The following PHACTR4 variants were observed in gnomAD, a reference collection of about 807,000 sequenced individuals.
PHACTR4 encodes phosphatase and actin regulator 4, also known as protein phosphatase 1, regulatory subunit 124.
A neutral mutation model predicts 72.7 loss-of-function variants in PHACTR4; 51 were observed. The ratio of observed to expected loss-of-function variants is 0.70; its 90% CI spans 0.56 to 0.89. The LOEUF is 0.89. PHACTR4 is among the 40% of genes least tolerant of loss of function. The pLI is 0.00. For missense variants in PHACTR4, 731 were observed against 861.8 expected (o/e 0.85, Z 1.90); for synonymous variants, 255 against 302.5 (o/e 0.84, Z 1.63).
intron 6 of PHACTR4, among the ~76,000 whole-genome samples, chr1:28,471,699 T>C (rs74064859): frequency 0.1 from 15,798 of 152,026 alleles, 1,900 homozygotes; most frequent in African/African-American, 0.3. Flanking sequence ...TTGGTGAAAC[T>C]ATAGGAATAT....
At chr1:28,459,001 C>T (rs1658607194) in intron 2 of PHACTR4, 84 bp from the exon 3 acceptor site, 2 of 1,274,414 alleles carry the variant, frequency 1.6e-6, no homozygotes, top group South Asian at 1.6e-5. Flanking sequence ...CCAACTACCA[C>T]AGGAAGAGAG....
intron 2 of PHACTR4, among the ~76,000 whole-genome samples, chr1:28,441,587 A>G (rs1462145034): frequency 2.0e-5 from 3 of 152,230 alleles, no homozygotes; most frequent in South Asian, 4.1e-4. Context: ...TTGAATGTAC[A>G]TTAGGAATCT....
At chr1:28,458,216 A>C (rs1415027671) in intron 2 of PHACTR4, among the ~76,000 whole-genome samples, 1 of 150,614 alleles carries the variant, frequency 6.6e-6, no homozygotes, top group African/African-American at 2.4e-5. Context: ...ATCACAGCCA[A>C]CTGCAGCATT....
intron 6 of PHACTR4, chr1:28,467,284 A>G (rs1220066539): frequency 2.0e-5 from 3 of 152,982 alleles, no homozygotes; most frequent in Non-Finnish European, 4.4e-5. Context: ...AAACATCACT[A>G]AGATTAGATT....
chr1:28,448,292 G>A (rs545900652), intron 2 of PHACTR4, among the ~76,000 whole-genome samples: 108 of 152,046 alleles, frequency 7.1e-4, no homozygotes, highest in Non-Finnish European at 1.3e-3. Context: ...GAAGCGGATA[G>A]ATCACTGTTG....
chr1:28,454,270 C>CTTTTTTTT (rs945039969), intron 2 of PHACTR4, among the ~76,000 whole-genome samples: 39 of 95,082 alleles, frequency 4.1e-4, no homozygotes, highest in East Asian at 6.5e-4. Flanking sequence ...ATCACTTTGT[C>CTTTTTTTT]TTTTTTTTTT....
chr1:28,398,080 G>C (rs555585774), intron 1 of PHACTR4, among the ~76,000 whole-genome samples: 8 of 152,200 alleles, frequency 5.3e-5, no homozygotes, highest in Non-Finnish European at 8.8e-5. Flanking sequence ...TCACTGAACT[G>C]ACCTAGCCAC....
chr1:28,494,767 G>A (rs1184751763), intron 13 of PHACTR4, among the ~76,000 whole-genome samples: 3 of 152,316 alleles, frequency 2.0e-5, no homozygotes, highest in Non-Finnish European at 1.5e-5. Context: ...GCAGTGTGGT[G>A]AAAATAAACT....
chr1:28,401,352 G>A (rs1653932862), intron 1 of PHACTR4, among the ~76,000 whole-genome samples: 1 of 147,570 alleles, frequency 6.8e-6, no homozygotes, highest in African/African-American at 2.6e-5. Flanking sequence ...TGTCACCCAG[G>A]CTGGAGTGCA....
chr1:28,437,582 G>A (rs1656712034), intron 2 of PHACTR4, among the ~76,000 whole-genome samples: 1 of 152,180 alleles, frequency 6.6e-6, no homozygotes, highest in Non-Finnish European at 1.5e-5. Context: ...AGGTCAAGGT[G>A]CCAGGAGACT....
chr1:28,404,219 G>T (rs533428946), intron 1 of PHACTR4, among the ~76,000 whole-genome samples: 1 of 151,638 alleles, frequency 6.6e-6, no homozygotes, highest in East Asian at 1.9e-4. Flanking sequence ...CAAAGTGCTG[G>T]GATTACAGGC....
intron 8 of PHACTR4, among the ~76,000 whole-genome samples, chr1:28,476,787 T>TTTTTTTTTTTTTTTTTTTTTTGTG (rs1659951822): frequency 7.0e-6 from 1 of 143,500 alleles, no homozygotes; most frequent in Admixed American, 6.9e-5. Context: ...TTTTTTTTTT[T>TTTTTTTTTTTTTTTTTTTTTTGTG]GAGACGGAGT....
At chr1:28,408,133 T>C (rs2124285041) in intron 2 of PHACTR4, among the ~76,000 whole-genome samples, 1 of 152,124 alleles carries the variant, frequency 6.6e-6, no homozygotes, top group African/African-American at 2.4e-5. Context: ...AAAAGAAAAA[T>C]AAGTAAATAA....
At chr1:28,413,681 T>G (rs760223337) in intron 2 of PHACTR4, among the ~76,000 whole-genome samples, 1 of 152,180 alleles carries the variant, frequency 6.6e-6, no homozygotes, top group Non-Finnish European at 1.5e-5. Flanking sequence ...ATACTATCCT[T>G]TCATTCTTTC....
intron 1 of PHACTR4, among the ~76,000 whole-genome samples, chr1:28,381,040 G>A (rs1236784832): frequency 6.9e-6 from 1 of 144,908 alleles, no homozygotes; most frequent in African/African-American, 2.6e-5. Context: ...ACAGAGTCTT[G>A]CTCTGTCACC....
At chr1:28,379,591 T>C (rs1386319859) in intron 1 of PHACTR4, among the ~76,000 whole-genome samples, 4 of 144,730 alleles carry the variant, frequency 2.8e-5, no homozygotes, top group Non-Finnish European at 6.0e-5. Context: ...ATAATTTCTT[T>C]TCTTTTTTTT....
rs146052474 is a variant in PHACTR4, at chr1:28,492,527, C to T, written c.2017-488C>T. On this transcript the variant is annotated intron_variant, in intron 12 of 13. Coordinates refer to ENST00000373839, the MANE Select transcript of PHACTR4 (RefSeq NM_001048183.3). Reference sequence around the variant, plus strand: ...CTGTAATCCCAGCACTTTGGGAGGCCGAAGCAGGTAGATCTCTTGAGGTCA... The same window carrying T: ...CTGTAATCCCAGCACTTTGGGAGGCTGAAGCAGGTAGATCTCTTGAGGTCA... Among the ~76,000 whole-genome samples, 353 of 151,704 alleles carry T rather than the reference C, an allele frequency of 2.3e-3. 1 individual carries two copies. The highest frequency in any genetic ancestry group is 8.0e-3 in the African/African-American group (332 of 41,386).
intron 1 of PHACTR4, among the ~76,000 whole-genome samples, chr1:28,384,632 T>C (rs1473394458): frequency 6.6e-6 from 1 of 152,164 alleles, no homozygotes; most frequent in East Asian, 1.9e-4. Context: ...CAAGGGCTCA[T>C]GCTTGTAATC....
rs561751750 is a variant in PHACTR4 at position 28,410,327 on chromosome 1, AGTT to A, written c.16+2865_16+2867del. Among the ~76,000 whole-genome samples the A allele has an allele frequency of 4.9e-3, 747 of 152,266 alleles. 9 individuals are homozygous for A. The highest frequency in any genetic ancestry group is 7.7e-3 in the Non-Finnish European group (524 of 68,012). On this transcript the variant is annotated intron_variant, in intron 2 of 13. Transcript: ENST00000373839. ...AAATCTTGAAGAATTTGGTAAACTG[AGTT>A]TTATTATAGTAGTCTGGTGACAAAT...
Sources: allele counts gnomAD v4.1 joint callset (sites outside exome capture counted in the v4.1 genomes callset), GRCh38; gene constraint gnomAD v4.1.1; transcripts MANE v1.5; gene names NCBI Gene and HGNC (gene_info 2026-07-23, HGNC 2026-07-21).